Variants in CCDC91 observed in about 807,000 individuals in gnomAD.
The protein encoded by CCDC91 is coiled-coil domain-containing protein 91.
CCDC91 carries 48 observed loss-of-function variants against 63.2 expected under a neutral mutation model. That is an observed-to-expected ratio of 0.76 (90% confidence interval 0.60 to 0.97). CCDC91 has a LOEUF of 0.97. Ranked by LOEUF, CCDC91 falls within the 50% of genes least tolerant of loss-of-function variation. The pLI is 0.00. For missense variants in CCDC91, 500 were observed against 494.6 expected (o/e 1.01, Z -0.10); for synonymous variants, 167 against 165.8 (o/e 1.01, Z -0.06).
Position 28,463,269 on chromosome 12 carries a change from G to A in CCDC91, c.1101+10615G>A, listed in dbSNP as rs368515812. 1.8e-4 allele frequency among the ~76,000 whole-genome samples: 28 copies of A among 152,252 alleles called. No individual in the cohort carries two copies. The East Asian group carries it at 2.7e-3, about 15-fold the overall frequency. The stretch of plus-strand genomic sequence containing the variant: ...TTGGTGGATATCAGTTTGACAAATC[G>A]AAATGTTTTTTGGGACAGTATTATA... On this transcript the variant is annotated intron_variant, in intron 11 of 12. Transcript: ENST00000536442.
chr12:28,354,781 A>G (rs1261132202), intron 6 of CCDC91, among the ~76,000 whole-genome samples: 5 of 152,190 alleles, frequency 3.3e-5, no homozygotes, highest in Non-Finnish European at 7.4e-5. Context: ...GCCATACAAT[A>G]TTACAAGAAT....
intron 9 of CCDC91, 43 bp from the exon 10 acceptor site, chr12:28,450,307 A>G (rs1160344448): frequency 2.5e-6 from 4 of 1,589,732 alleles, no homozygotes; most frequent in Non-Finnish European, 8.6e-7. Flanking sequence ...GTTACCTCAA[A>G]TAATACATTT....
intron 8 of CCDC91, among the ~76,000 whole-genome samples, chr12:28,435,645 G>A (rs1012954088): frequency 5.9e-5 from 9 of 151,792 alleles, no homozygotes; most frequent in African/African-American, 2.2e-4. Flanking sequence ...GTTTTGTTCA[G>A]TTCAGCTGAG....
At chr12:28,191,228 A>G (rs1209964476) in intron 1 of CCDC91, 2 of 152,288 alleles carry the variant, frequency 1.3e-5, no homozygotes, top group East Asian at 3.8e-4. Flanking sequence ...TATTTTCTCC[A>G]TCTGCGCGTG....
chr12:28,270,188 T>C (rs967061760), intron 3 of CCDC91, among the ~76,000 whole-genome samples: 3 of 152,096 alleles, frequency 2.0e-5, no homozygotes, highest in Non-Finnish European at 4.4e-5. Flanking sequence ...TAGATTGTTT[T>C]AGTTAATGGA....
At chr12:28,514,544 C>T (rs1330367943) in intron 12 of CCDC91, among the ~76,000 whole-genome samples, 3 of 151,378 alleles carry the variant, frequency 2.0e-5, no homozygotes, top group African/African-American at 4.9e-5. Context: ...TTGGTGACTT[C>T]GTCATGAAAT....
At chr12:28,535,289 A>G (rs1290246369) in intron 12 of CCDC91, among the ~76,000 whole-genome samples, 1 of 152,216 alleles carries the variant, frequency 6.6e-6, no homozygotes, top group Non-Finnish European at 1.5e-5. Context: ...ATATCTATAT[A>G]GGAAATGAAG....
intron 6 of CCDC91, among the ~76,000 whole-genome samples, chr12:28,351,187 A>C (rs1565840486): frequency 6.6e-6 from 1 of 152,190 alleles, no homozygotes; most frequent in Non-Finnish European, 1.5e-5. Context: ...TGAATCATCT[A>C]AACCAGATGA....
At chr12:28,351,867 C>T (rs1301591082) in intron 6 of CCDC91, among the ~76,000 whole-genome samples, 1 of 152,130 alleles carries the variant, frequency 6.6e-6, no homozygotes, top group Non-Finnish European at 1.5e-5. Context: ...TCTTAGTACA[C>T]CATTTTCAAA....
chr12:28,391,836 C>A (rs1471082986), intron 8 of CCDC91, among the ~76,000 whole-genome samples: 1 of 151,972 alleles, frequency 6.6e-6, no homozygotes, highest in Admixed American at 6.6e-5. Flanking sequence ...AAATTTTTTT[C>A]TTTTCTTGAT....
At chr12:28,243,816 C>T (rs1945517852) in intron 1 of CCDC91, among the ~76,000 whole-genome samples, 1 of 152,094 alleles carries the variant, frequency 6.6e-6, no homozygotes, top group Non-Finnish European at 1.5e-5. Flanking sequence ...AAGTGATTTG[C>T]CAATAAATAA....
At chr12:28,230,189 ACTTC>A (rs2135798569) in intron 1 of CCDC91, among the ~76,000 whole-genome samples, 1 of 152,248 alleles carries the variant, frequency 6.6e-6, no homozygotes, top group South Asian at 2.1e-4. Context: ...GTCATTCTGT[ACTTC>A]ATTGCCTAAG....
intron 3 of CCDC91, among the ~76,000 whole-genome samples, chr12:28,293,867 A>G (rs374683746): frequency 1.7e-4 from 26 of 151,994 alleles, no homozygotes; most frequent in East Asian, 1.4e-3. Flanking sequence ...TAGCTGGGAC[A>G]CTGTGCTCAC....
chr12:28,281,297 T>C (rs1421183101), intron 3 of CCDC91, among the ~76,000 whole-genome samples: 1 of 152,166 alleles, frequency 6.6e-6, no homozygotes, highest in African/African-American at 2.4e-5. Context: ...TTAGCTTACA[T>C]GAGTGTGGAG....
chr12:28,344,208 A>G (rs1296879249), intron 6 of CCDC91, among the ~76,000 whole-genome samples: 1 of 152,252 alleles, frequency 6.6e-6, no homozygotes, highest in East Asian at 1.9e-4. Flanking sequence ...ACTTAAAAAA[A>G]TCTTACTTGG....
chr12:28,363,705 G>A (rs376950799), intron 7 of CCDC91, among the ~76,000 whole-genome samples: 110 of 151,724 alleles, frequency 7.3e-4, no homozygotes, highest in East Asian at 4.1e-3. Context: ...GTGAAACCCC[G>A]TCTCTATTAA....
intron 12 of CCDC91, among the ~76,000 whole-genome samples, chr12:28,543,143 G>A (rs1274503762): frequency 6.6e-6 from 1 of 151,966 alleles, no homozygotes; most frequent in Non-Finnish European, 1.5e-5. Context: ...TTCGTGTAAA[G>A]ACACTAGTGA....
intron 8 of CCDC91, among the ~76,000 whole-genome samples, chr12:28,398,699 C>G (rs1011504532): frequency 3.9e-5 from 6 of 152,242 alleles, no homozygotes; most frequent in Middle Eastern, 3.4e-3. Flanking sequence ...TTCACTTTAG[C>G]CAGCTTTGGG....
chr12:28,491,411 C>T (rs1460643344), intron 12 of CCDC91, among the ~76,000 whole-genome samples: 3 of 151,602 alleles, frequency 2.0e-5, no homozygotes, highest in African/African-American at 7.3e-5. Context: ...AGAACATACT[C>T]CTTAACGAAT....
Sources: gnomAD v4.1 joint callset for allele counts (sites outside exome capture counted in the v4.1 genomes callset) on GRCh38, gnomAD v4.1.1 for gene constraint, MANE v1.5 for transcripts, NCBI Gene and HGNC (gene_info 2026-07-23, HGNC 2026-07-21) for gene names.